Variants in KCNJ6 observed in about 807,000 individuals in gnomAD.
KCNJ6 encodes potassium inwardly rectifying channel subfamily J member 6, also known as G protein-activated inward rectifier potassium channel 2.
Under a neutral mutation model 34.2 loss-of-function variants are expected in KCNJ6, and 9 were observed. That is an observed-to-expected ratio of 0.26 (90% confidence interval 0.16 to 0.46). The LOEUF is 0.46. Among genes scored for constraint, KCNJ6 ranks in the 20% least tolerant of loss-of-function variants. The pLI, the probability that KCNJ6 is intolerant of heterozygous loss-of-function variation, is 1.00. For synonymous variants in KCNJ6, 196 were observed against 207.1 expected (o/e 0.95, Z 0.46); for missense variants, 236 against 531.3 (o/e 0.44, Z 5.46).
intron 2 of KCNJ6, among the ~76,000 whole-genome samples, chr21:37,722,201 G>T (rs778445883): frequency 6.6e-6 from 1 of 152,052 alleles, no homozygotes; most frequent in Non-Finnish European, 1.5e-5. Flanking sequence ...ACTTATCATA[G>T]CCACACAAAA....
intron 3 of KCNJ6, among the ~76,000 whole-genome samples, chr21:37,690,113 T>C (rs577229524): frequency 8.7e-6 from 1 of 115,380 alleles, no homozygotes; most frequent in African/African-American, 3.3e-5. Context: ...AATTGTTTGA[T>C]TGACATATGA....
At chr21:37,759,167 G>A (rs2055047354) in intron 2 of KCNJ6, among the ~76,000 whole-genome samples, 1 of 152,174 alleles carries the variant, frequency 6.6e-6, no homozygotes, top group South Asian at 2.1e-4. Context: ...CAGGTGGCAG[G>A]GGCGGTCCTG....
chr21:37,632,185 A>G (rs2054336908), intron 3 of KCNJ6, among the ~76,000 whole-genome samples: 3 of 150,708 alleles, frequency 2.0e-5, no homozygotes, highest in African/African-American at 7.3e-5. Flanking sequence ...CTGTGTATGA[A>G]TTGATATAAT....
intron 3 of KCNJ6, among the ~76,000 whole-genome samples, chr21:37,711,519 C>A (rs1041962342): frequency 6.6e-6 from 1 of 152,180 alleles, no homozygotes; most frequent in African/African-American, 2.4e-5. Flanking sequence ...TCCAGTCCAG[C>A]ACTACAATGA....
intron 1 of KCNJ6, among the ~76,000 whole-genome samples, chr21:37,875,058 G>C (rs762326194): frequency 6.6e-6 from 1 of 152,134 alleles, no homozygotes; most frequent in African/African-American, 2.4e-5. Flanking sequence ...TGTTTCCGAC[G>C]ATTGGCGAGG....
rs35897942 is a variant in KCNJ6 at position 37,781,084 on chromosome 21, GCA to G, written c.25+59572_25+59573del. 6.4e-3 allele frequency among the ~76,000 whole-genome samples: 978 copies of G among 152,274 alleles called. 9 individuals are homozygous for G. Among genetic ancestry groups the G allele is most frequent in the Non-Finnish European group, 0.01 (689 of 68,024 alleles). On this transcript the variant is annotated intron_variant, in intron 2 of 3. Coordinates refer to ENST00000609713, the MANE Select transcript of KCNJ6 (RefSeq NM_002240.5). Reference sequence around the variant, plus strand: ...CTTCCTATGTCGAGTCTATTGCACAGCACACGCCGGCTGCTTCCATCAGTCAG... The same window carrying G: ...CTTCCTATGTCGAGTCTATTGCACAGCACGCCGGCTGCTTCCATCAGTCAG...
chr21:37,663,021 T>C (rs900989088), intron 3 of KCNJ6, among the ~76,000 whole-genome samples: 3 of 152,088 alleles, frequency 2.0e-5, no homozygotes, highest in Admixed American at 6.6e-5. Flanking sequence ...TGCAGAGAGG[T>C]CTGAGAGGGT....
In KCNJ6 at chr21:37,870,925, C is replaced by T. The variant is rs573153213; in HGVS notation, c.-27-30216G>A. On this transcript the variant is annotated intron_variant, in intron 1 of 3. Transcript: ENST00000609713. ...GGTGTGATCTGGGAAATTCTTTGTG[C>T]ATCTTACAGACTCAAACACCAATCC... Among the ~76,000 whole-genome samples the T allele has an allele frequency of 3.3e-5, 5 of 152,312 alleles. No individual in the cohort carries two copies. The East Asian group carries it at 9.7e-4, about 29-fold the overall frequency.
chr21:37,684,322 CAT>C (rs2054603757), intron 3 of KCNJ6, among the ~76,000 whole-genome samples: 1 of 150,014 alleles, frequency 6.7e-6, no homozygotes, highest in Non-Finnish European at 1.5e-5. Flanking sequence ...TCCCCGTGCA[CAT>C]GTCTGTGTCC....
At chr21:37,700,974 G>T (rs1197186947) in intron 3 of KCNJ6, among the ~76,000 whole-genome samples, 1 of 152,132 alleles carries the variant, frequency 6.6e-6, no homozygotes, top group African/African-American at 2.4e-5. Context: ...TCCGACCTGG[G>T]CACCTGGGAG....
At chr21:37,915,648 C>T (rs1019368285) in intron 1 of KCNJ6, among the ~76,000 whole-genome samples, 5 of 152,258 alleles carry the variant, frequency 3.3e-5, no homozygotes, top group African/African-American at 1.2e-4. Flanking sequence ...TTCCCCCGCC[C>T]CCCGTGCGAG....
At chr21:37,662,261 C>CATCCCT (rs1010439412) in intron 3 of KCNJ6, among the ~76,000 whole-genome samples, 4 of 152,142 alleles carry the variant, frequency 2.6e-5, no homozygotes, top group African/African-American at 9.7e-5. Flanking sequence ...TCCCCATCCC[C>CATCCCT]ATCCCTGACA....
intron 3 of KCNJ6, among the ~76,000 whole-genome samples, chr21:37,649,814 G>A (rs529432915): frequency 1.6e-4 from 24 of 152,208 alleles, no homozygotes; most frequent in African/African-American, 4.3e-4. Flanking sequence ...GTGCAGTGGC[G>A]CCATCTCGGC....
Position 37,675,580 on chromosome 21 carries a change from C to T in KCNJ6, c.946+38631G>A, listed in dbSNP as rs2054561333. Among the ~76,000 whole-genome samples the T allele has an allele frequency of 6.6e-6, 1 of 152,228 alleles. No homozygotes were observed. The highest frequency in any genetic ancestry group is 2.4e-5 in the African/African-American group (1 of 41,468). On this transcript the variant is annotated intron_variant, in intron 3 of 3. Transcript: ENST00000609713. This position sits in a 1 kb window ranked among gnomAD's most constrained non-coding sequence, Gnocchi z 4.2. ...ATGACACCCAGTCCCTGGGCGCCGC[C>T]GCATCGCCCTGCCCTGAGCGGAATT...
At chr21:37,851,515 TC>T (rs2055537141) in intron 1 of KCNJ6, among the ~76,000 whole-genome samples, 1 of 152,188 alleles carries the variant, frequency 6.6e-6, no homozygotes, top group African/African-American at 2.4e-5. Flanking sequence ...TTCTTGTGCT[TC>T]TTGTCGTGTG....
intron 3 of KCNJ6, among the ~76,000 whole-genome samples, chr21:37,640,061 G>C (rs773777855): frequency 1.3e-5 from 2 of 152,136 alleles, no homozygotes; most frequent in Non-Finnish European, 2.9e-5. Context: ...AATCCTTCCT[G>C]TGTCTCCTTC....
rs1176145231 is a variant in KCNJ6 at position 37,616,355 on chromosome 21, G to A, written c.*8804C>T. On this transcript the variant is annotated 3_prime_UTR_variant, in exon 4 of 4. Coordinates refer to ENST00000609713, the MANE Select transcript of KCNJ6 (RefSeq NM_002240.5). Reference sequence around the variant, plus strand: ...CACTGTTGTCTCTGTGTGGCTCTTGGTTAAGACGAGGAAGCACTGGGCTGA... The same window carrying A: ...CACTGTTGTCTCTGTGTGGCTCTTGATTAAGACGAGGAAGCACTGGGCTGA... 5 of 151,718 alleles carry A rather than the reference G, an allele frequency of 3.3e-5. No homozygotes were observed. Among genetic ancestry groups the A allele is most frequent in the Admixed American group, 1.3e-4 (2 of 15,214 alleles). The allele number at this position is 151,718 out of a possible 1,614,324, so 9.4% of individuals were successfully genotyped here. A position where few individuals can be genotyped will look rare whatever the true frequency, so the allele number is the denominator to read the frequency against.
At chr21:37,730,267 G>T (rs530492995) in intron 2 of KCNJ6, among the ~76,000 whole-genome samples, 1 of 152,332 alleles carries the variant, frequency 6.6e-6, no homozygotes, top group South Asian at 2.1e-4. Context: ...TTGCTGGGTT[G>T]CTGGGAGAAT....
chr21:37,755,597 A>G (rs1289195450), intron 2 of KCNJ6, among the ~76,000 whole-genome samples: 1 of 152,216 alleles, frequency 6.6e-6, no homozygotes, highest in Admixed American at 6.5e-5. Context: ...GGAAGAGAGG[A>G]GCCTGGATTA....
Sources: allele counts gnomAD v4.1 joint callset (sites outside exome capture counted in the v4.1 genomes callset), GRCh38; gene constraint gnomAD v4.1.1; non-coding constraint Gnocchi (gnomAD v3.1); transcripts MANE v1.5; gene names NCBI Gene and HGNC (gene_info 2026-07-23, HGNC 2026-07-21).